The following LRRC7 variants were observed in gnomAD, a reference collection of about 807,000 sequenced individuals.
LRRC7 encodes the protein leucine-rich repeat-containing protein 7.
LRRC7 carries 23 observed loss-of-function variants against 175.7 expected under a neutral mutation model. That is an observed-to-expected ratio of 0.13 (90% CI 0.09 to 0.19). The LOEUF (loss-of-function observed/expected upper bound fraction) is 0.19. Among genes scored for constraint, LRRC7 ranks in the 10% least tolerant of loss-of-function variants. The probability of loss-of-function intolerance (pLI) is 1.00; values close to 1 mark genes in which losing one functional copy is unlikely to be tolerated. For missense variants in LRRC7, 1,354 were observed against 1,904.7 expected (o/e 0.71, Z 5.38); for synonymous variants, 685 against 680.9 (o/e 1.01, Z -0.09).
intron 8 of LRRC7, among the ~76,000 whole-genome samples, chr1:69,948,758 A>C (rs555467630): frequency 6.6e-6 from 1 of 152,264 alleles, no homozygotes; most frequent in Non-Finnish European, 1.5e-5. Context: ...CCAGCCATTG[A>C]TATAGGATTC....
intron 4 of LRRC7, among the ~76,000 whole-genome samples, chr1:69,824,774 C>T (rs1249900937): frequency 1.3e-5 from 2 of 152,166 alleles, no homozygotes; most frequent in Non-Finnish European, 2.9e-5. Flanking sequence ...CCTTATCCTT[C>T]TGTCAGATAT....
chr1:69,960,430 C>T (rs1291969073), intron 8 of LRRC7, among the ~76,000 whole-genome samples: 1 of 152,010 alleles, frequency 6.6e-6, no homozygotes. Flanking sequence ...TTTCAAAAAG[C>T]TAGCTCCTGG....
chr1:69,623,900 C>A (rs61782219), intron 1 of LRRC7, among the ~76,000 whole-genome samples: 4 of 152,072 alleles, frequency 2.6e-5, no homozygotes, highest in Admixed American at 2.6e-4. Flanking sequence ...ATTGTTTGGC[C>A]ACATTCACCT....
In LRRC7 at chr1:69,931,325, T is replaced by C. The variant is rs140920226; in HGVS notation, c.648-182T>C. 1.9e-3 allele frequency among the ~76,000 whole-genome samples: 289 copies of C among 152,352 alleles called. 1 individual carries two copies. Among genetic ancestry groups the C allele is most frequent in the African/African-American group, 6.7e-3 (277 of 41,586 alleles). On this transcript the variant is annotated intron_variant, in intron 7 of 26. Coordinates refer to ENST00000651989, the MANE Select transcript of LRRC7 (RefSeq NM_001370785.2). ...TATTGGCATTTGTGAACAGATGCTG[T>C]AGCTTTTCAGCTGGCAGTTTGCATA... is the stretch of plus-strand genomic sequence containing the variant.
At chr1:69,794,832 T>C (rs765940040) in intron 4 of LRRC7, among the ~76,000 whole-genome samples, 5 of 152,240 alleles carry the variant, frequency 3.3e-5, no homozygotes, top group Non-Finnish European at 7.3e-5. Context: ...CCACAGGTTA[T>C]ATTTTTTCAA....
chr1:69,938,715 G>A (rs1485098084), intron 8 of LRRC7, among the ~76,000 whole-genome samples: 3 of 151,744 alleles, frequency 2.0e-5, no homozygotes, highest in African/African-American at 4.8e-5. Context: ...CCAAAGGTGT[G>A]CTCATTTTTA....
At chr1:69,951,088 A>G (rs1649863924) in intron 8 of LRRC7, among the ~76,000 whole-genome samples, 1 of 151,440 alleles carries the variant, frequency 6.6e-6, no homozygotes, top group African/African-American at 2.4e-5. Flanking sequence ...GAACTTAAAC[A>G]AATTTACAAA....
At chr1:69,936,169 A>T (rs1289046662) in intron 8 of LRRC7, among the ~76,000 whole-genome samples, 1 of 152,182 alleles carries the variant, frequency 6.6e-6, no homozygotes, top group Admixed American at 6.5e-5. Flanking sequence ...AATTAGCACA[A>T]ACAATAAATT....
chr1:70,073,906 A>T (rs1662577062), intron 23 of LRRC7, among the ~76,000 whole-genome samples: 1 of 152,228 alleles, frequency 6.6e-6, no homozygotes, highest in Non-Finnish European at 1.5e-5. Context: ...TTCATTCAGA[A>T]TACAGCGGCA....
intron 10 of LRRC7, among the ~76,000 whole-genome samples, chr1:69,993,051 A>C (rs371039017): frequency 1.1e-4 from 16 of 152,304 alleles, no homozygotes; most frequent in African/African-American, 3.8e-4. Context: ...GCTATAAGTC[A>C]TACTTTCCTG....
chr1:69,993,529 CCACA>C (rs147799973), intron 10 of LRRC7, among the ~76,000 whole-genome samples: 1 of 151,202 alleles, frequency 6.6e-6, no homozygotes, highest in African/African-American at 2.4e-5. Context: ...ATACTGTGCA[CCACA>C]CACACACACA....
At chr1:70,018,431 A>G (rs544092255) in intron 14 of LRRC7, among the ~76,000 whole-genome samples, 4 of 152,076 alleles carry the variant, frequency 2.6e-5, no homozygotes, top group South Asian at 2.1e-4. Flanking sequence ...TAGTTGAAAC[A>G]ATTTAACACA....
At chr1:69,803,922 T>C (rs1676815061) in intron 4 of LRRC7, among the ~76,000 whole-genome samples, 2 of 151,486 alleles carry the variant, frequency 1.3e-5, no homozygotes, top group Middle Eastern at 3.4e-3. Context: ...TTTCCAGAGG[T>C]TTTTCTACTT....
rs116354723 is a variant in LRRC7, at chr1:69,759,613, A to C, written c.101-578A>C. ...GTAGTTTCAACGGAATAAAAACTCC[A>C]TGAAAACAGGGTCTTTGTTCAATGC... On this transcript the variant is annotated intron_variant, in intron 2 of 26. Coordinates refer to ENST00000651989, the MANE Select transcript of LRRC7 (RefSeq NM_001370785.2). Among the ~76,000 whole-genome samples the C allele has an allele frequency of 8.4e-3, 1,283 of 152,152 alleles. 10 individuals carry two copies. Among genetic ancestry groups the C allele is most frequent in the Non-Finnish European group, 0.013 (859 of 67,956 alleles).
chr1:69,843,195 A>G (rs1681929241), intron 7 of LRRC7, among the ~76,000 whole-genome samples: 1 of 152,066 alleles, frequency 6.6e-6, no homozygotes, highest in Admixed American at 6.6e-5. Flanking sequence ...CCATCTCAAA[A>G]CAAAGCAAAA....
rs567490532 is a variant in LRRC7 at position 69,906,673 on chromosome 1, T to G, written c.648-24834T>G. 3.0e-4 allele frequency among the ~76,000 whole-genome samples: 46 copies of G among 152,276 alleles called. 1 individual carries two copies. The South Asian group carries it at 7.3e-3, about 24-fold the overall frequency. On this transcript the variant is annotated intron_variant, in intron 7 of 26. Coordinates refer to ENST00000651989, the MANE Select transcript of LRRC7 (RefSeq NM_001370785.2). ...TTTTGGTTACTGTAGCCTTGTAGTATAGTTTGAAGTCAGGTAGCGTGATGC... is the reference window on the plus strand; with the variant it reads ...TTTTGGTTACTGTAGCCTTGTAGTAGAGTTTGAAGTCAGGTAGCGTGATGC...
At chr1:69,794,643 G>T (rs1675510009) in intron 4 of LRRC7, among the ~76,000 whole-genome samples, 1 of 152,066 alleles carries the variant, frequency 6.6e-6, no homozygotes, top group Non-Finnish European at 1.5e-5. Context: ...TGATTTTCAG[G>T]CAGGATTAGC....
chr1:69,901,928 C>T (rs971757200), intron 7 of LRRC7, among the ~76,000 whole-genome samples: 4 of 152,040 alleles, frequency 2.6e-5, no homozygotes, highest in East Asian at 1.9e-4. Context: ...TCTCATAGTA[C>T]TCTGACTTCT....
At position 69,972,652 on chromosome 1, in the gene LRRC7, G is replaced by A. The variant is rs529320324; in HGVS notation, c.712-7727G>A. The stretch of plus-strand genomic sequence containing the variant: ...AGCCTGGATACAGTGAAAGGGAAAC[G>A]CTTTTACACTGCTGGTGGGAATGTA... On this transcript the variant is annotated intron_variant, in intron 8 of 26. Coordinates refer to ENST00000651989, the MANE Select transcript of LRRC7 (RefSeq NM_001370785.2). 9.2e-5 allele frequency among the ~76,000 whole-genome samples: 14 copies of A among 152,028 alleles called. No homozygotes were observed. The South Asian group carries it at 1.9e-3, about 20-fold the overall frequency.
Sources: allele counts gnomAD v4.1 joint callset (sites outside exome capture counted in the v4.1 genomes callset), GRCh38; gene constraint gnomAD v4.1.1; transcripts MANE v1.5; gene names NCBI Gene and HGNC (gene_info 2026-07-23, HGNC 2026-07-21).